Variants in CLEC9A observed in about 807,000 individuals in gnomAD.
CLEC9A encodes the protein C-type lectin domain family 9 member A.
In CLEC9A, 24 loss-of-function variants were observed where a neutral mutation model predicts 30.0. That is an observed-to-expected ratio of 0.80 (90% confidence interval 0.58 to 1.13). The LOEUF is 1.13. Among genes scored for constraint, CLEC9A ranks in the 50% most tolerant of loss-of-function variants. The pLI is 0.00. For synonymous variants in CLEC9A, 111 were observed against 96.8 expected, an observed-to-expected ratio of 1.15 and a Z score of -0.86; for missense variants, 251 against 280.9, an observed-to-expected ratio of 0.89 and a Z score of 0.76.
rs780766396 is a variant in CLEC9A, at chr12:10,065,608, G to T, written c.702G>T (p.Lys234Asn). Reference sequence around the variant, plus strand: ...CGTGGAAGTATTTTATCTGTGAGAAGTATGCGTTGAGATCCTCTGTCTGAA... The same window carrying T: ...CGTGGAAGTATTTTATCTGTGAGAATTATGCGTTGAGATCCTCTGTCTGAA... ...CSTWKYFICEKYALRSSV is the reference protein window; with the variant it reads ...CSTWKYFICENYALRSSV Residue 234 changes from lysine (K) to asparagine (N), a missense_variant, in exon 9 of 9, where the codon AAG becomes AAT. Lys to Asn is a moderately conservative substitution (Grantham distance 94). Transcript: ENST00000355819. The T allele has an allele frequency of 1.2e-6, 2 of 1,613,782 alleles. No individual in the cohort carries two copies. The highest frequency in any genetic ancestry group is 3.3e-5 in the Admixed American group (2 of 59,998).
intron 8 of CLEC9A, 123 bp from the exon 9 acceptor site, chr12:10,065,377 C>A: frequency 3.0e-6 from 3 of 987,186 alleles, no homozygotes; most frequent in Non-Finnish European, 4.4e-6. Flanking sequence ...ATGAAACCAC[C>A]ACAGGAAGTT....
At chr12:10,056,972 A>G (rs531230515) in intron 5 of CLEC9A, among the ~76,000 whole-genome samples, 24 of 152,230 alleles carry the variant, frequency 1.6e-4, no homozygotes, top group African/African-American at 5.8e-4. Context: ...ATTTTCCTTT[A>G]GCTTTTGTTC....
At chr12:10,031,905 C>A (rs1215280472) in intron 1 of CLEC9A, among the ~76,000 whole-genome samples, 1 of 151,816 alleles carries the variant, frequency 6.6e-6, no homozygotes, top group African/African-American at 2.4e-5. Flanking sequence ...CAAACAAATG[C>A]TACAAATAAC....
intron 7 of CLEC9A, among the ~76,000 whole-genome samples, chr12:10,064,212 A>G (rs535894175): frequency 6.6e-6 from 1 of 152,302 alleles, no homozygotes; most frequent in South Asian, 2.1e-4. Context: ...TATGCAGTAA[A>G]CCAAGAACAT....
intron 3 of CLEC9A, 47 bp from the exon 4 acceptor site, chr12:10,052,583 A>C: frequency 6.6e-7 from 1 of 1,513,792 alleles, no homozygotes; most frequent in Non-Finnish European, 8.9e-7. Flanking sequence ...CTACTGTGAA[A>C]ATGTAACCAA....
intron 6 of CLEC9A, 104 bp from the exon 7 acceptor site, chr12:10,062,951 A>C: frequency 1.2e-5 from 11 of 911,262 alleles, no homozygotes; most frequent in Middle Eastern, 3.2e-4. Flanking sequence ...CCATTACGTT[A>C]TGAGATTCAG....
chr12:10,040,112 C>T (rs1865779433), intron 1 of CLEC9A, among the ~76,000 whole-genome samples: 1 of 152,202 alleles, frequency 6.6e-6, no homozygotes, highest in Non-Finnish European at 1.5e-5. Flanking sequence ...CATGAGTCAC[C>T]TTGCCCAATC....
chr12:10,055,667 T>C (rs1217949867), intron 5 of CLEC9A, among the ~76,000 whole-genome samples: 1 of 152,190 alleles, frequency 6.6e-6, no homozygotes, highest in Non-Finnish European at 1.5e-5. Context: ...TATAATTTGG[T>C]TTTTATATAA....
rs1461045203 is a variant in CLEC9A, at chr12:10,060,960, G to A, written c.173-167G>A. 3 of 729,602 alleles carry A rather than the reference G, an allele frequency of 4.1e-6. No individual in the cohort carries two copies. In the East Asian group the frequency reaches 1.0e-4, roughly 25 times the overall value. 45.2% of individuals were successfully genotyped at this position (729,602 alleles called of 1,614,324 possible). On this transcript the variant is annotated intron_variant, in intron 5 of 8. Transcript: ENST00000355819. ...AGAGACATTTTGTTCCACGTCTTTT[G>A]TAGTGTTTGATTCTTGTACAATGTA... is the stretch of plus-strand genomic sequence containing the variant.
intron 1 of CLEC9A, among the ~76,000 whole-genome samples, chr12:10,039,448 G>C (rs889571979): frequency 6.6e-6 from 1 of 152,106 alleles, no homozygotes; most frequent in Non-Finnish European, 1.5e-5. Flanking sequence ...ATTTACTACT[G>C]GCTTTTAAGA....
intron 1 of CLEC9A, among the ~76,000 whole-genome samples, chr12:10,038,245 C>T (rs763138469): frequency 2.6e-5 from 4 of 152,108 alleles, no homozygotes; most frequent in Admixed American, 6.5e-5. Flanking sequence ...TTGAATCATA[C>T]TAAGTTTTTG....
At chr12:10,049,552 A>T (rs1033974458) in intron 2 of CLEC9A, among the ~76,000 whole-genome samples, 1 of 152,156 alleles carries the variant, frequency 6.6e-6, no homozygotes, top group African/African-American at 2.4e-5. Flanking sequence ...CCAGTTTCTA[A>T]ATCAGTATTT....
At chr12:10,048,546 A>G (rs952767666) in intron 2 of CLEC9A, among the ~76,000 whole-genome samples, 1 of 152,258 alleles carries the variant, frequency 6.6e-6, no homozygotes, top group African/African-American at 2.4e-5. Context: ...AAGTTTATGC[A>G]GTATTTGAAA....
intron 2 of CLEC9A, chr12:10,045,545 A>G (rs1016529571): frequency 3.6e-6 from 1 of 277,938 alleles, no homozygotes; most frequent in Admixed American, 3.6e-5. Flanking sequence ...ATAATCAGAA[A>G]AGGCACTCTA....
intron 2 of CLEC9A, among the ~76,000 whole-genome samples, chr12:10,050,386 A>T (rs1350427871): frequency 6.6e-6 from 1 of 152,228 alleles, no homozygotes; most frequent in Non-Finnish European, 1.5e-5. Context: ...TTCACTTTTT[A>T]AAAAATGCAG....
chr12:10,041,171 G>A lies in CLEC9A; in HGVS notation c.-317-295G>A, dbSNP rs541462662. Among the ~76,000 whole-genome samples the A allele has an allele frequency of 9.9e-5, 15 of 152,142 alleles. No individual in the cohort carries two copies. The South Asian group carries it at 1.7e-3, about 17-fold the overall frequency. ...TGAGGCAGGAGAATCACTTAAACCC[G>A]GGAGGTGAAGGTTGCAGTGAGCCAA... On this transcript the variant is annotated intron_variant, in intron 1 of 8. Transcript: ENST00000355819.
At chr12:10,053,984 G>A (rs1212249882) in intron 4 of CLEC9A, among the ~76,000 whole-genome samples, 1 of 152,140 alleles carries the variant, frequency 6.6e-6, no homozygotes, top group African/African-American at 2.4e-5. Context: ...CATATAATTA[G>A]TTTGTTTAAG....
chr12:10,042,949 A>G (rs1865810404), intron 2 of CLEC9A, among the ~76,000 whole-genome samples: 1 of 152,218 alleles, frequency 6.6e-6, no homozygotes, highest in African/African-American at 2.4e-5. Flanking sequence ...CAATTGATTG[A>G]AGATATAAAT....
At chr12:10,059,475 A>T (rs1865976363) in intron 5 of CLEC9A, among the ~76,000 whole-genome samples, 2 of 152,228 alleles carry the variant, frequency 1.3e-5, no homozygotes, top group Admixed American at 6.5e-5. Context: ...CTTTCAGAAA[A>T]CATAGGACAA....
Sources: allele counts gnomAD v4.1 joint callset (sites outside exome capture counted in the v4.1 genomes callset), GRCh38; gene constraint gnomAD v4.1.1; transcripts MANE v1.5; gene names NCBI Gene and HGNC (gene_info 2026-07-23, HGNC 2026-07-21).